Variants in TAOK1 observed in about 807,000 individuals in gnomAD.
TAOK1 encodes TAO kinase 1.
Under a neutral mutation model 138.3 loss-of-function variants are expected in TAOK1, and 21 were observed. That is an observed-to-expected ratio of 0.15 (90% CI 0.11 to 0.22). The LOEUF is 0.22. Ranked by LOEUF, TAOK1 falls within the 10% of genes least tolerant of loss-of-function variation. The pLI is 1.00. For missense variants in TAOK1, 651 were observed against 1,227.7 expected, an observed-to-expected ratio of 0.53 and a Z score of 7.02; for synonymous variants, 361 against 398.4, an observed-to-expected ratio of 0.91 and a Z score of 1.12.
intron 10 of TAOK1, among the ~76,000 whole-genome samples, chr17:29,493,153 G>T (rs1215388778): frequency 6.6e-6 from 1 of 151,002 alleles, no homozygotes; most frequent in Non-Finnish European, 1.5e-5. Flanking sequence ...AAAAAAGAAA[G>T]AAAGAAGAAG....
intron 1 of TAOK1, among the ~76,000 whole-genome samples, chr17:29,444,933 G>C (rs929748485): frequency 1.3e-5 from 2 of 151,792 alleles, no homozygotes; most frequent in African/African-American, 2.4e-5. Flanking sequence ...TTGCTATTTT[G>C]TACATTTTTG....
At chr17:29,480,731 A>G (rs1468250321) in intron 7 of TAOK1, among the ~76,000 whole-genome samples, 1 of 151,830 alleles carries the variant, frequency 6.6e-6, no homozygotes, top group Non-Finnish European at 1.5e-5. Context: ...TTAGCCAGGC[A>G]TGGTGGTGCA....
At chr17:29,518,768 T>C (rs1297250174) in intron 16 of TAOK1, among the ~76,000 whole-genome samples, 2 of 134,310 alleles carry the variant, frequency 1.5e-5, no homozygotes, top group African/African-American at 2.9e-5. Context: ...ATTTATTTAT[T>C]TATTTATTTA....
chr17:29,461,814 C>T lies in TAOK1; in HGVS notation c.133-5331C>T, dbSNP rs565097971. The stretch of plus-strand genomic sequence containing the variant: ...ACTCTCCAATTCAGGTTAGGACCAT[C>T]CCAGAAACAATTGAATGAAAGCACA... On this transcript the variant is annotated intron_variant, in intron 2 of 19. Transcript: ENST00000261716. Among the ~76,000 whole-genome samples the T allele has an allele frequency of 1.3e-4, 19 of 151,884 alleles. No homozygotes were observed. In the South Asian group the frequency reaches 4.0e-3, roughly 32 times the overall value.
chr17:29,452,722 G>T (rs996558886), intron 2 of TAOK1, among the ~76,000 whole-genome samples: 1 of 152,098 alleles, frequency 6.6e-6, no homozygotes, highest in African/African-American at 2.4e-5. Flanking sequence ...TCATAGAAAT[G>T]GAGTCAAACA....
rs71138814 is a variant in TAOK1 at position 29,411,088 on chromosome 17, GTTTTTTTTTT to G, written c.-95+20076_-95+20085del. Among the ~76,000 whole-genome samples the G allele has an allele frequency of 1.2e-3, 110 of 94,058 alleles. 1 individual carries two copies. Among genetic ancestry groups the G allele is most frequent in the Non-Finnish European group, 1.6e-3 (78 of 49,006 alleles). 61.7% of individuals were successfully genotyped at this position (94,058 alleles called of 152,430 possible). A position where few individuals can be genotyped will look rare whatever the true frequency, so the allele number is the denominator to read the frequency against. ...CCTACAGAAGTACTTTCTTTTTACTGTTTTTTTTTTTTTTTTTTTTTGAGACGGAGTCTCG... is the reference window on the plus strand; with the variant it reads ...CCTACAGAAGTACTTTCTTTTTACTGTTTTTTTTTTTGAGACGGAGTCTCG... On this transcript the variant is annotated intron_variant, in intron 1 of 19. Coordinates refer to ENST00000261716, the MANE Select transcript of TAOK1 (RefSeq NM_020791.4).
chr17:29,472,735 C>T (rs887752752), intron 3 of TAOK1, among the ~76,000 whole-genome samples: 59 of 152,084 alleles, frequency 3.9e-4, no homozygotes, highest in South Asian at 2.5e-3. Context: ...CCACCACGCC[C>T]GGCTCATTTT....
chr17:29,487,473 T>C (rs769004628), intron 8 of TAOK1, among the ~76,000 whole-genome samples: 14 of 152,154 alleles, frequency 9.2e-5, no homozygotes, highest in Non-Finnish European at 1.9e-4. Flanking sequence ...ACTCTGTTCA[T>C]TGAGCGTGTC....
At chr17:29,392,209 C>T (rs948512437) in intron 1 of TAOK1, among the ~76,000 whole-genome samples, 1 of 151,852 alleles carries the variant, frequency 6.6e-6, no homozygotes, top group Non-Finnish European at 1.5e-5. Flanking sequence ...GAGCGAGACT[C>T]CGTTTCAAAA....
chr17:29,481,268 A>G (rs1421940173), intron 7 of TAOK1, among the ~76,000 whole-genome samples: 3 of 150,336 alleles, frequency 2.0e-5, no homozygotes, highest in Admixed American at 1.3e-4. Context: ...ATCTTGGCTC[A>G]CTGCAACCTC....
At chr17:29,534,943 G>A (rs1392507341) in intron 19 of TAOK1, among the ~76,000 whole-genome samples, 2 of 148,736 alleles carry the variant, frequency 1.3e-5, no homozygotes, top group Non-Finnish European at 2.9e-5. Flanking sequence ...GTGTGTGTGT[G>A]TGTGTGTGTG....
intron 3 of TAOK1, among the ~76,000 whole-genome samples, chr17:29,467,720 T>C (rs2030705862): frequency 6.6e-6 from 1 of 152,130 alleles, no homozygotes; most frequent in African/African-American, 2.4e-5. Flanking sequence ...GATGTACCCA[T>C]TTAACTCTAA....
rs2031653352 is a variant in TAOK1, at chr17:29,507,809, T to A, written c.1339-87T>A. 19 of 1,175,716 alleles carry A rather than the reference T, an allele frequency of 1.6e-5. No homozygotes were observed. The South Asian group carries it at 2.9e-4, about 18-fold the overall frequency. 72.8% of individuals were successfully genotyped at this position (1,175,716 alleles called of 1,614,324 possible). On this transcript the variant is annotated intron_variant, in intron 13 of 19. Transcript: ENST00000261716. ...ATTGGGATATTTTACACTAATTCCCTACTTAGTTAATATAGAATTGTCTAA... is the reference window on the plus strand; with the variant it reads ...ATTGGGATATTTTACACTAATTCCCAACTTAGTTAATATAGAATTGTCTAA...
chr17:29,397,647 T>TTCATGTATTATACATGTATACATGTATAC (rs1384681685), intron 1 of TAOK1, among the ~76,000 whole-genome samples: 1 of 61,566 alleles, frequency 1.6e-5, no homozygotes, highest in African/African-American at 6.8e-5. Flanking sequence ...TACATGTATA[T>TTCATGTATTATACATGTATACATGTATAC]ATGTATATTC....
At chr17:29,408,030 C>T (rs906194131) in intron 1 of TAOK1, among the ~76,000 whole-genome samples, 2 of 151,676 alleles carry the variant, frequency 1.3e-5, no homozygotes, top group African/African-American at 4.8e-5. Flanking sequence ...TCATTCCTGA[C>T]CAATGTTTTG....
intron 13 of TAOK1, 58 bp downstream of exon 13, chr17:29,502,781 T>C (rs2031553755): frequency 1.3e-6 from 2 of 1,563,662 alleles, no homozygotes; most frequent in East Asian, 2.3e-5. Context: ...CTTGGCAATA[T>C]AAACTCAAGT....
At chr17:29,524,101 T>C (rs533097360) in intron 17 of TAOK1, among the ~76,000 whole-genome samples, 5 of 152,234 alleles carry the variant, frequency 3.3e-5, no homozygotes, top group African/African-American at 4.8e-5. Context: ...CACCTTGCTA[T>C]ATCTTCAAAA....
chr17:29,446,737 C>CTTTTTTT, intron 1 of TAOK1, among the ~76,000 whole-genome samples: 1 of 119,880 alleles, frequency 8.3e-6, no homozygotes, highest in Non-Finnish European at 1.7e-5. Flanking sequence ...TTTTACTGTA[C>CTTTTTTT]TTTTTTTTTT....
intron 10 of TAOK1, among the ~76,000 whole-genome samples, chr17:29,492,254 T>G (rs1023014409): frequency 2.0e-5 from 3 of 152,194 alleles, no homozygotes; most frequent in African/African-American, 7.2e-5. Context: ...GATTCTGAAT[T>G]AGGATTAAGT....
Sources: gnomAD v4.1 joint callset for allele counts (sites outside exome capture counted in the v4.1 genomes callset) on GRCh38, gnomAD v4.1.1 for gene constraint, MANE v1.5 for transcripts, NCBI Gene and HGNC (gene_info 2026-07-23, HGNC 2026-07-21) for gene names.